LRP6: variants seen among roughly 807,000 people sequenced by gnomAD.
LRP6 encodes the protein LDL receptor related protein 6.
LRP6 carries 43 observed loss-of-function variants against 184.1 expected under a neutral mutation model. That is an observed-to-expected ratio of 0.23 (90% confidence interval 0.18 to 0.30). LRP6 has a LOEUF of 0.30. LRP6 is among the 10% of genes least tolerant of loss of function. LRP6 has a pLI of 1.00. For synonymous variants in LRP6, 719 were observed against 684.9 expected (o/e 1.05, Z -0.78); for missense variants, 1,571 against 2,005.3 (o/e 0.78, Z 4.14).
At chr12:12,170,008 A>G (rs1346788413) in intron 7 of LRP6, among the ~76,000 whole-genome samples, 1 of 152,184 alleles carries the variant, frequency 6.6e-6, no homozygotes, top group Non-Finnish European at 1.5e-5. Context: ...GTATGTGTCC[A>G]TTTAAAATTT....
chr12:12,164,184 A>G, intron 9 of LRP6, 89 bp downstream of exon 9: 1 of 1,117,614 alleles, frequency 8.9e-7, no homozygotes, highest in Non-Finnish European at 1.3e-6. Context: ...TCAAACAATG[A>G]GGGAGGTGGG....
chr12:12,196,566 A>G (rs1440314225), intron 3 of LRP6, among the ~76,000 whole-genome samples: 2 of 151,900 alleles, frequency 1.3e-5, no homozygotes, highest in Non-Finnish European at 2.9e-5. Flanking sequence ...CAACTTTACC[A>G]AATTTGTTGA....
intron 2 of LRP6, among the ~76,000 whole-genome samples, chr12:12,217,079 ACTACC>A (rs1864367772): frequency 6.6e-6 from 1 of 152,168 alleles, no homozygotes; most frequent in Non-Finnish European, 1.5e-5. Context: ...GCCAGAGACC[ACTACC>A]AGTTCATGGC....
At chr12:12,175,396 A>G (rs1247179148) in intron 7 of LRP6, among the ~76,000 whole-genome samples, 1 of 149,240 alleles carries the variant, frequency 6.7e-6, no homozygotes, top group African/African-American at 2.5e-5. Flanking sequence ...CTCAAAAAAT[A>G]AAAATAAAAA....
rs1949822941 is a variant in LRP6 at position 12,135,396 on chromosome 12, T to C, written c.3608-96A>G. On this transcript the variant is annotated intron_variant, in intron 16 of 22. Transcript: ENST00000261349. ...AAAAGGGACAACCCTGTCAAAACTA[T>C]TTATGAAAATCAAATGTATAATCAG... The C allele has an allele frequency of 1.3e-5, 10 of 756,536 alleles. No individual in the cohort carries two copies. The Middle Eastern group carries it at 8.0e-4, about 61-fold the overall frequency. 46.9% of individuals were successfully genotyped at this position (756,536 alleles called of 1,614,324 possible).
intron 1 of LRP6, among the ~76,000 whole-genome samples, chr12:12,251,892 C>T (rs1865333552): frequency 1.3e-5 from 2 of 152,068 alleles, no homozygotes; most frequent in South Asian, 4.2e-4. Context: ...TTTTAAGAGA[C>T]AGGGTCTCAC....
intron 12 of LRP6, chr12:12,155,217 A>G: frequency 1.5e-6 from 1 of 662,794 alleles, no homozygotes; most frequent in Non-Finnish European, 2.8e-6. Flanking sequence ...CAAACAAACA[A>G]AAAGTCTTTC....
chr12:12,178,985 C>A (rs1425250977), intron 7 of LRP6, among the ~76,000 whole-genome samples: 1 of 152,078 alleles, frequency 6.6e-6, no homozygotes, highest in African/African-American at 2.4e-5. Flanking sequence ...TCTGAAGAGC[C>A]ATTTAAAGCC....
At chr12:12,251,185 G>A (rs1865316446) in intron 1 of LRP6, among the ~76,000 whole-genome samples, 1 of 152,090 alleles carries the variant, frequency 6.6e-6, no homozygotes, top group African/African-American at 2.4e-5. Flanking sequence ...CGCCCACCTC[G>A]GCCTCCGAAG....
chr12:12,260,205 C>A lies in LRP6; in HGVS notation c.55+6476G>T, dbSNP rs375896481. Among the ~76,000 whole-genome samples, 371 of 152,034 alleles carry A rather than the reference C, an allele frequency of 2.4e-3. 1 individual carries two copies. The highest frequency in any genetic ancestry group is 8.1e-3 in the African/African-American group (337 of 41,456). On this transcript the variant is annotated intron_variant, in intron 1 of 22. Coordinates refer to ENST00000261349, the MANE Select transcript of LRP6 (RefSeq NM_002336.3). ...CAACCTGGCTAACATGGTGAAACCC[C>A]GTCTCCACTAAAATACAAAAAAAAT...
At chr12:12,135,429 T>TC (rs1238580162) in intron 16 of LRP6, 129 bp from the exon 17 acceptor site, 11 of 517,246 alleles carry the variant, frequency 2.1e-5, no homozygotes, top group Non-Finnish European at 3.4e-5. Flanking sequence ...CAGCTTGGAC[T>TC]CTTTTTTTTT....
chr12:12,240,311 C>T (rs966066374), intron 2 of LRP6, among the ~76,000 whole-genome samples: 3 of 152,178 alleles, frequency 2.0e-5, no homozygotes, highest in Admixed American at 6.5e-5. Context: ...CAGTGGCTCA[C>T]GCCTGTAATG....
chr12:12,146,835 G>A (rs11054704), intron 15 of LRP6, among the ~76,000 whole-genome samples: 17,736 of 152,272 alleles, frequency 0.12, 1,232 homozygotes, highest in Middle Eastern at 0.16. Flanking sequence ...TAGAGCAGAA[G>A]AGTTAGGAAA....
chr12:12,140,582 G>A (rs1276622563), intron 15 of LRP6, among the ~76,000 whole-genome samples: 1 of 148,888 alleles, frequency 6.7e-6, no homozygotes, highest in Non-Finnish European at 1.5e-5. Flanking sequence ...GGAAGGGAAA[G>A]CACGAGCATA....
intron 4 of LRP6, among the ~76,000 whole-genome samples, 154 bp from the exon 5 acceptor site, chr12:12,184,265 C>T (rs1457039802): frequency 6.6e-6 from 1 of 152,164 alleles, no homozygotes; most frequent in Admixed American, 6.5e-5. Context: ...AGGAATTAAT[C>T]AGTGTGAATT....
intron 3 of LRP6, among the ~76,000 whole-genome samples, chr12:12,191,012 T>C (rs1219927432): frequency 6.6e-6 from 1 of 152,182 alleles, no homozygotes; most frequent in Non-Finnish European, 1.5e-5. Context: ...ATATGACTGA[T>C]ATTGGCACCT....
intron 1 of LRP6, 145 bp from the exon 2 acceptor site, chr12:12,244,800 TCACA>T: frequency 1.4e-6 from 1 of 723,096 alleles, no homozygotes; most frequent in Non-Finnish European, 2.2e-6. Flanking sequence ...CATCTAAACT[TCACA>T]CACAAAATAT....
intron 20 of LRP6, among the ~76,000 whole-genome samples, chr12:12,126,269 G>A (rs1309459458): frequency 2.6e-5 from 4 of 152,164 alleles, no homozygotes; most frequent in African/African-American, 9.7e-5. Flanking sequence ...CTATCATCCA[G>A]CTATTTACAA....
At chr12:12,238,077 A>C (rs1864969075) in intron 2 of LRP6, among the ~76,000 whole-genome samples, 1 of 152,188 alleles carries the variant, frequency 6.6e-6, no homozygotes, top group Non-Finnish European at 1.5e-5. Context: ...ACTTTTATGT[A>C]GCTGAAATTT....
Sources: gnomAD v4.1 joint callset for allele counts (sites outside exome capture counted in the v4.1 genomes callset) on GRCh38, gnomAD v4.1.1 for gene constraint, MANE v1.5 for transcripts, NCBI Gene and HGNC (gene_info 2026-07-23, HGNC 2026-07-21) for gene names.